The following ARHGAP42 variants were observed in gnomAD, a reference collection of about 807,000 sequenced individuals.
The protein encoded by ARHGAP42 is rho GTPase-activating protein 42.
ARHGAP42 carries 63 observed loss-of-function variants against 125.0 expected under a neutral mutation model. That is an observed-to-expected ratio of 0.50 (90% CI 0.41 to 0.62). ARHGAP42 has a LOEUF of 0.62. Ranked by LOEUF, ARHGAP42 falls within the 20% of genes least tolerant of loss-of-function variation. ARHGAP42 has a pLI of 0.00. For synonymous variants in ARHGAP42, 339 were observed against 351.0 expected (o/e 0.97, Z 0.38); for missense variants, 766 against 1,024.2 (o/e 0.75, Z 3.44).
At chr11:100,808,741 G>A (rs944397079) in intron 3 of ARHGAP42, among the ~76,000 whole-genome samples, 4 of 152,102 alleles carry the variant, frequency 2.6e-5, no homozygotes, top group Non-Finnish European at 4.4e-5. Context: ...ACTAGAAATC[G>A]GGTGTATTCT....
chr11:100,751,821 C>T (rs1862467348), intron 1 of ARHGAP42, among the ~76,000 whole-genome samples: 1 of 137,080 alleles, frequency 7.3e-6, no homozygotes, highest in African/African-American at 2.8e-5. Flanking sequence ...CCTTTGTCGC[C>T]CAGGCTGGAG....
intron 1 of ARHGAP42, among the ~76,000 whole-genome samples, chr11:100,725,722 A>C (rs932955767): frequency 3.3e-5 from 5 of 151,796 alleles, no homozygotes; most frequent in African/African-American, 1.2e-4. Flanking sequence ...CGGATCACGA[A>C]GTCAGGAGAT....
chr11:100,872,677 T>G lies in ARHGAP42; in HGVS notation c.384+13052T>G, dbSNP rs377271820. Among the ~76,000 whole-genome samples, 7 of 152,216 alleles carry G rather than the reference T, an allele frequency of 4.6e-5. No homozygotes were observed. The East Asian group carries it at 5.8e-4, about 13-fold the overall frequency. ...CAAAGTGCTGAGATTAATGAGATTTTTTTTAGCATGTAGATTTGATGATTT... is the reference window on the plus strand; with the variant it reads ...CAAAGTGCTGAGATTAATGAGATTTGTTTTAGCATGTAGATTTGATGATTT... On this transcript the variant is annotated intron_variant, in intron 4 of 23. Coordinates refer to ENST00000298815, the MANE Select transcript of ARHGAP42 (RefSeq NM_152432.4).
intron 5 of ARHGAP42, among the ~76,000 whole-genome samples, chr11:100,915,183 A>G (rs1305318480): frequency 2.0e-5 from 3 of 152,168 alleles, no homozygotes; most frequent in African/African-American, 7.2e-5. Context: ...AATTTCTTGG[A>G]CATATTTAAC....
At chr11:100,756,140 C>G (rs1483063084) in intron 1 of ARHGAP42, among the ~76,000 whole-genome samples, 1 of 142,406 alleles carries the variant, frequency 7.0e-6, no homozygotes, top group Non-Finnish European at 1.5e-5. Context: ...AATCTCAGCA[C>G]TTTGGGAGGC....
chr11:100,885,066 G>T (rs1866058776), intron 4 of ARHGAP42, among the ~76,000 whole-genome samples: 1 of 152,074 alleles, frequency 6.6e-6, no homozygotes, highest in Non-Finnish European at 1.5e-5. Context: ...TCCAAAAATG[G>T]CCTAATTTGG....
chr11:100,965,253 A>G (rs991289878), intron 16 of ARHGAP42, among the ~76,000 whole-genome samples: 1 of 152,140 alleles, frequency 6.6e-6, no homozygotes, highest in Admixed American at 6.5e-5. Flanking sequence ...TTGGGTGGGG[A>G]CACAGCCAAA....
At chr11:100,843,866 A>G (rs1291697038) in intron 3 of ARHGAP42, among the ~76,000 whole-genome samples, 2 of 152,186 alleles carry the variant, frequency 1.3e-5, no homozygotes, top group Non-Finnish European at 2.9e-5. Context: ...GAAAAAGACC[A>G]TACTGCCAAA....
chr11:100,752,500 T>C (rs1862483111), intron 1 of ARHGAP42, among the ~76,000 whole-genome samples: 2 of 152,182 alleles, frequency 1.3e-5, no homozygotes, highest in African/African-American at 4.8e-5. Context: ...CACTCCCTCT[T>C]CCCTAGGGGT....
At chr11:100,734,223 G>T (rs964695171) in intron 1 of ARHGAP42, among the ~76,000 whole-genome samples, 2 of 149,444 alleles carry the variant, frequency 1.3e-5, no homozygotes, top group African/African-American at 2.5e-5. Flanking sequence ...GTGAGCCACC[G>T]CGCCTGGCCC....
chr11:100,910,292 C>G (rs918347466), intron 4 of ARHGAP42, among the ~76,000 whole-genome samples: 2 of 152,098 alleles, frequency 1.3e-5, no homozygotes, highest in Non-Finnish European at 2.9e-5. Context: ...AAAAACAGTA[C>G]TATGCTTTAT....
At chr11:100,857,748 G>A (rs867669303) in intron 3 of ARHGAP42, among the ~76,000 whole-genome samples, 5 of 151,876 alleles carry the variant, frequency 3.3e-5, no homozygotes, top group Non-Finnish European at 7.4e-5. Context: ...CTCCCTCTAC[G>A]CAATTTGTCA....
intron 8 of ARHGAP42, among the ~76,000 whole-genome samples, chr11:100,937,959 A>T (rs774202366): frequency 6.6e-6 from 1 of 152,060 alleles, no homozygotes; most frequent in East Asian, 1.9e-4. Context: ...TTATGCGCTT[A>T]CCTGATGATG....
chr11:100,795,244 G>C, intron 3 of ARHGAP42, 78 bp downstream of exon 3: 5 of 1,131,500 alleles, frequency 4.4e-6, no homozygotes, highest in Non-Finnish European at 6.1e-6. Context: ...TCCTGAACTA[G>C]AGAACTTTAT....
At chr11:100,953,347 T>C (rs980059614) in intron 12 of ARHGAP42, among the ~76,000 whole-genome samples, 4 of 152,188 alleles carry the variant, frequency 2.6e-5, no homozygotes, top group Non-Finnish European at 4.4e-5. Context: ...TTTTGCATAA[T>C]ATGTATTTGT....
At chr11:100,862,336 G>A (rs951515469) in intron 4 of ARHGAP42, among the ~76,000 whole-genome samples, 2 of 152,106 alleles carry the variant, frequency 1.3e-5, no homozygotes, top group East Asian at 1.9e-4. Context: ...TTGAATTAGA[G>A]CATTGTGAAA....
intron 22 of ARHGAP42, among the ~76,000 whole-genome samples, chr11:100,984,012 G>A (rs759726886): frequency 1.3e-4 from 19 of 151,856 alleles, no homozygotes; most frequent in Non-Finnish European, 2.5e-4. Flanking sequence ...AGCTACCTGG[G>A]AAGCTAAGAT....
At chr11:100,935,668 A>ACG in intron 7 of ARHGAP42, among the ~76,000 whole-genome samples, 1 of 114,226 alleles carries the variant, frequency 8.8e-6, no homozygotes, top group East Asian at 2.1e-4. Flanking sequence ...ACACACACAC[A>ACG]CACACACACA....
intron 3 of ARHGAP42, among the ~76,000 whole-genome samples, chr11:100,853,362 T>C (rs1865249337): frequency 6.6e-6 from 1 of 152,182 alleles, no homozygotes; most frequent in African/African-American, 2.4e-5. Flanking sequence ...GGAGGCAATA[T>C]GCTATGGTTA....
Sources: allele counts gnomAD v4.1 joint callset (sites outside exome capture counted in the v4.1 genomes callset), GRCh38; gene constraint gnomAD v4.1.1; transcripts MANE v1.5; gene names NCBI Gene and HGNC (gene_info 2026-07-23, HGNC 2026-07-21).